Variants in AGAP1 observed in about 807,000 individuals in gnomAD.
The protein encoded by AGAP1 is ArfGAP with GTPase domain, ankyrin repeat and PH domain 1, also known as arf-GAP with GTPase, ANK repeat and PH domain-containing protein 1.
Under a neutral mutation model 105.3 loss-of-function variants are expected in AGAP1, and 29 were observed. The ratio of observed to expected loss-of-function variants is 0.28; its 90% CI spans 0.21 to 0.38. The LOEUF (loss-of-function observed/expected upper bound fraction) is 0.38, where lower values mean the gene tolerates loss of function less well. AGAP1 is among the 10% of genes least tolerant of loss of function. The probability of loss-of-function intolerance (pLI) is 1.00; values close to 1 mark genes in which losing one functional copy is unlikely to be tolerated. For synonymous variants in AGAP1, 509 were observed against 485.9 expected (o/e 1.05, Z -0.63); for missense variants, 998 against 1,165.1 (o/e 0.86, Z 2.09).
At position 235,577,065 on chromosome 2, in the gene AGAP1, A is replaced by AGC. The variant is rs1434866357; in HGVS notation, c.163+82216_163+82217insGC. Among the ~76,000 whole-genome samples, 2 of 152,188 alleles carry AGC rather than the reference A, an allele frequency of 1.3e-5. No individual in the cohort carries two copies. The highest frequency in any genetic ancestry group is 4.8e-5 in the African/African-American group (2 of 41,446). On this transcript the variant is annotated intron_variant, in intron 1 of 17. Transcript: ENST00000304032. This position sits in a 1 kb window ranked among gnomAD's most constrained non-coding sequence, Gnocchi z 4.5. ...AAGAAAAGCATTTCTGTTGTCCTGA[A>AGC]ATATCAGGCCTTCCTGAACCCCCTT... is the stretch of plus-strand genomic sequence containing the variant.
chr2:235,661,324 C>T (rs2149339649), intron 1 of AGAP1, among the ~76,000 whole-genome samples: 1 of 152,204 alleles, frequency 6.6e-6, no homozygotes, highest in Non-Finnish European at 1.5e-5. Context: ...GAGTGTTTTC[C>T]TCTGCCGCCT....
At chr2:235,694,246 G>A (rs1232849563) in intron 1 of AGAP1, among the ~76,000 whole-genome samples, 2 of 149,592 alleles carry the variant, frequency 1.3e-5, no homozygotes, top group East Asian at 1.9e-4. Flanking sequence ...TTAGGAGGCC[G>A]AGGCGGGCGG....
rs983195128 is a variant in AGAP1 at position 235,582,917 on chromosome 2, G to A, written c.163+88068G>A. Among the ~76,000 whole-genome samples, 5 of 152,252 alleles carry A rather than the reference G, an allele frequency of 3.3e-5. No homozygotes were observed. The highest frequency in any genetic ancestry group is 1.2e-4 in the African/African-American group (5 of 41,470). ...GATGGAGTGTGTTCCGGAATCGGGA[G>A]GAAGCTTGTAAGGCTGCTTTCCACT... is the stretch of plus-strand genomic sequence containing the variant. On this transcript the variant is annotated intron_variant, in intron 1 of 17. Coordinates refer to ENST00000304032, the MANE Select transcript of AGAP1 (RefSeq NM_001037131.3). This position sits in a 1 kb window ranked among gnomAD's most constrained non-coding sequence, Gnocchi z 4.7.
At chr2:235,602,460 C>T (rs575747381) in intron 1 of AGAP1, among the ~76,000 whole-genome samples, 1 of 152,302 alleles carries the variant, frequency 6.6e-6, no homozygotes, top group South Asian at 2.1e-4. Flanking sequence ...CAGGCTCACC[C>T]TCACTCCCTC....
rs2053740884 is a variant in AGAP1, at chr2:235,951,531, T to A, written c.1484-16931T>A. On this transcript the variant is annotated intron_variant, in intron 12 of 17. Transcript: ENST00000304032. The surrounding 1 kb of genome is among the most constrained non-coding windows in gnomAD (Gnocchi z 4.2). ...ATTTTTGGAATGATTGCAGGGTTGG[T>A]TTAAGATTGCCATGACCACATATTA... 6.6e-6 allele frequency among the ~76,000 whole-genome samples: 1 copy of A among 152,176 alleles called. No homozygotes were observed. The highest frequency in any genetic ancestry group is 2.4e-5 in the African/African-American group (1 of 41,442).
intron 3 of AGAP1, among the ~76,000 whole-genome samples, chr2:235,718,975 G>T (rs1349727747): frequency 2.0e-5 from 3 of 152,196 alleles, no homozygotes; most frequent in Non-Finnish European, 4.4e-5. Context: ...GCCACGGCCA[G>T]CTGGTGACAC....
At chr2:235,648,884 CA>C (rs34285333) in intron 1 of AGAP1, among the ~76,000 whole-genome samples, 3,543 of 139,452 alleles carry the variant, frequency 0.025, 125 homozygotes, top group African/African-American at 0.082. Flanking sequence ...GAGACTGTCT[CA>C]AAAAAAAAAA....
rs527565148 is a variant in AGAP1 at position 235,951,589 on chromosome 2, G to A, written c.1484-16873G>A. 4.6e-5 allele frequency among the ~76,000 whole-genome samples: 7 copies of A among 152,320 alleles called. No individual in the cohort carries two copies. The highest frequency in any genetic ancestry group is 8.8e-5 in the Non-Finnish European group (6 of 68,030). ...CACTGAGAAACAGGCGTAAACAGAG[G>A]TTGTCCCGGGAAAGGCAGAATGAAT... is the stretch of plus-strand genomic sequence containing the variant. On this transcript the variant is annotated intron_variant, in intron 12 of 17. Transcript: ENST00000304032. The surrounding 1 kb of genome is among the most constrained non-coding windows in gnomAD (Gnocchi z 4.2).
rs908442 is a variant in AGAP1, at chr2:235,891,519, A to T, written c.1155+8070A>T. Among the ~76,000 whole-genome samples, 54,115 of 152,012 alleles carry T rather than the reference A, an allele frequency of 0.36. 10,324 individuals are homozygous for T. Among genetic ancestry groups the T allele is most frequent in the South Asian group, 0.64 (3,059 of 4,800 alleles). ...TGAGCCTTAGGGAGCACCTTGATAG[A>T]AAAATGGAGGCATAATGAGAAAGAA... On this transcript the variant is annotated intron_variant, in intron 10 of 17. Coordinates refer to ENST00000304032, the MANE Select transcript of AGAP1 (RefSeq NM_001037131.3). This position sits in a 1 kb window ranked among gnomAD's most constrained non-coding sequence, Gnocchi z 4.2.
rs536348246 is a variant in AGAP1, at chr2:236,046,654, G to A, written c.1892-2405G>A. Among the ~76,000 whole-genome samples the A allele has an allele frequency of 6.6e-6, 1 of 152,302 alleles. No individual in the cohort carries two copies. The highest frequency in any genetic ancestry group is 1.9e-4 in the East Asian group (1 of 5,178). On this transcript the variant is annotated intron_variant, in intron 15 of 17. Transcript: ENST00000304032. The surrounding 1 kb of genome is among the most constrained non-coding windows in gnomAD (Gnocchi z 5.2). ...TATAATAATTCAGGAGCCAGGAAGA[G>A]GTGTTAGTGCCTGAGTGGTGATTGA...
In AGAP1 at chr2:236,053,307, T is replaced by C. The variant is rs1015742694; in HGVS notation, c.2114+4026T>C. Among the ~76,000 whole-genome samples, 14 of 152,246 alleles carry C rather than the reference T, an allele frequency of 9.2e-5. No individual in the cohort carries two copies. The highest frequency in any genetic ancestry group is 3.1e-4 in the African/African-American group (13 of 41,466). On this transcript the variant is annotated intron_variant, in intron 16 of 17. Coordinates refer to ENST00000304032, the MANE Select transcript of AGAP1 (RefSeq NM_001037131.3). This position sits in a 1 kb window ranked among gnomAD's most constrained non-coding sequence, Gnocchi z 4.6. Reference sequence around the variant, plus strand: ...GAGTGAAAGCGGGAACTCGTCATCATGGAACACATGTCAGGTGCTCTTGCT... The same window carrying C: ...GAGTGAAAGCGGGAACTCGTCATCACGGAACACATGTCAGGTGCTCTTGCT...
In AGAP1 at chr2:236,046,535, G is replaced by A. The variant is rs1474526224; in HGVS notation, c.1892-2524G>A. Among the ~76,000 whole-genome samples, 1 of 152,202 alleles carries A rather than the reference G, an allele frequency of 6.6e-6. No homozygotes were observed. Among genetic ancestry groups the A allele is most frequent in the Non-Finnish European group, 1.5e-5 (1 of 68,034 alleles). ...GACCCCTGGGGTCCCAGCTTGAATA[G>A]CTGGGACAGGAGGGACCTGGCAGAA... is the stretch of plus-strand genomic sequence containing the variant. On this transcript the variant is annotated intron_variant, in intron 15 of 17. Transcript: ENST00000304032. The surrounding 1 kb of genome is among the most constrained non-coding windows in gnomAD (Gnocchi z 5.2).
In AGAP1 at chr2:235,874,521, G is replaced by A. The variant is rs2049612696; in HGVS notation, c.1051-8824G>A. Among the ~76,000 whole-genome samples the A allele has an allele frequency of 6.6e-6, 1 of 152,222 alleles. No individual in the cohort carries two copies. Among genetic ancestry groups the A allele is most frequent in the Non-Finnish European group, 1.5e-5 (1 of 68,036 alleles). On this transcript the variant is annotated intron_variant, in intron 9 of 17. Transcript: ENST00000304032. This position sits in a 1 kb window ranked among gnomAD's most constrained non-coding sequence, Gnocchi z 4.5. Reference sequence around the variant, plus strand: ...CACTCTAGGTGCTTTCACCTAGGCAGAGCAACCGAAGTGCACTTTGCAGGG... The same window carrying A: ...CACTCTAGGTGCTTTCACCTAGGCAAAGCAACCGAAGTGCACTTTGCAGGG...
At chr2:235,585,719 C>T (rs549680344) in intron 1 of AGAP1, among the ~76,000 whole-genome samples, 1 of 152,266 alleles carries the variant, frequency 6.6e-6, no homozygotes, top group East Asian at 1.9e-4. Flanking sequence ...TACTTTTTAC[C>T]TTTAGAAAAA....
At chr2:235,668,859 G>A (rs1167548616) in intron 1 of AGAP1, among the ~76,000 whole-genome samples, 4 of 152,152 alleles carry the variant, frequency 2.6e-5, no homozygotes. Flanking sequence ...TGGCACCCCT[G>A]TTTTACAGGT....
At position 235,502,941 on chromosome 2, in the gene AGAP1, A is replaced by AGCTTCAATTG. The variant is rs11282743; in HGVS notation, c.163+8101_163+8102insGGCTTCAATT. Among the ~76,000 whole-genome samples the AGCTTCAATTG allele has an allele frequency of 2.6e-5, 4 of 152,192 alleles. No individual in the cohort carries two copies. The East Asian group carries it at 7.7e-4, about 29-fold the overall frequency. Reference sequence around the variant, plus strand: ...AACCGTACCTTTAGAAAGTACATTTAGCTTCAATTCAATAAGTTTTAGTTT... The same window carrying AGCTTCAATTG: ...AACCGTACCTTTAGAAAGTACATTTAGCTTCAATTGGCTTCAATTCAATAAGTTTTAGTTT... On this transcript the variant is annotated intron_variant, in intron 1 of 17. Transcript: ENST00000304032.
rs1420349156 is a variant in AGAP1, at chr2:236,002,886, A to T, written c.1646-33675A>T. On this transcript the variant is annotated intron_variant, in intron 13 of 17. Coordinates refer to ENST00000304032, the MANE Select transcript of AGAP1 (RefSeq NM_001037131.3). The surrounding 1 kb of genome is among the most constrained non-coding windows in gnomAD (Gnocchi z 4.3). ...AAAATGACCAAGTCTCCTAAGGTGA[A>T]GTTTGTGTGTGAACAGGAGGGCCGG... 1.3e-5 allele frequency among the ~76,000 whole-genome samples: 2 copies of T among 152,124 alleles called. No homozygotes were observed. The highest frequency in any genetic ancestry group is 2.9e-5 in the Non-Finnish European group (2 of 68,026).
rs961741508 is a variant in AGAP1 at position 235,712,563 on chromosome 2, G to A, written c.222+3326G>A. On this transcript the variant is annotated intron_variant, in intron 2 of 17. Transcript: ENST00000304032. The surrounding 1 kb of genome is among the most constrained non-coding windows in gnomAD (Gnocchi z 6.0). ...AACTGGAATTTTTACTAAAAGCCTT[G>A]ATTTCCTTTTCAGCAAACCTCAGGG... Among the ~76,000 whole-genome samples, 1 of 152,210 alleles carries A rather than the reference G, an allele frequency of 6.6e-6. No homozygotes were observed. The highest frequency in any genetic ancestry group is 6.5e-5 in the Admixed American group (1 of 15,284).
chr2:235,899,638 A>G (rs72987019), intron 10 of AGAP1, among the ~76,000 whole-genome samples: 1,757 of 152,334 alleles, frequency 0.012, 11 homozygotes, highest in Non-Finnish European at 0.02. Flanking sequence ...TTATAAGTCA[A>G]AATTTCTAGG....
Sources: allele counts gnomAD v4.1 joint callset (sites outside exome capture counted in the v4.1 genomes callset), GRCh38; gene constraint gnomAD v4.1.1; non-coding constraint Gnocchi (gnomAD v3.1); transcripts MANE v1.5; gene names NCBI Gene and HGNC (gene_info 2026-07-23, HGNC 2026-07-21).